Variants in CDK19 observed in about 807,000 individuals in gnomAD.
The protein encoded by CDK19 is cyclin-dependent kinase 19.
In CDK19, 20 loss-of-function variants were observed where a neutral mutation model predicts 68.3. The observed-to-expected ratio is 0.29, with a 90% confidence interval of 0.21 to 0.43. The LOEUF is 0.43. Among genes scored for constraint, CDK19 ranks in the 20% least tolerant of loss-of-function variants. The pLI, the probability that CDK19 is intolerant of heterozygous loss-of-function variation, is 1.00. For missense variants in CDK19, 339 were observed against 623.5 expected (o/e 0.54, Z 4.86); for synonymous variants, 221 against 222.8 (o/e 0.99, Z 0.07).
At chr6:110,796,268 C>CAG (rs1781932731) in intron 1 of CDK19, among the ~76,000 whole-genome samples, 1 of 152,142 alleles carries the variant, frequency 6.6e-6, no homozygotes, top group African/African-American at 2.4e-5. Context: ...AACCAGGAGG[C>CAG]AGAGGCTGCA....
At chr6:110,753,244 T>TA (rs1274962552) in intron 1 of CDK19, among the ~76,000 whole-genome samples, 3 of 152,072 alleles carry the variant, frequency 2.0e-5, no homozygotes, top group East Asian at 3.9e-4. Flanking sequence ...ATCTTTCTCT[T>TA]AAAAATGATC....
intron 2 of CDK19, among the ~76,000 whole-genome samples, chr6:110,741,466 A>C (rs910564754): frequency 1.3e-5 from 2 of 151,908 alleles, no homozygotes; most frequent in Non-Finnish European, 2.9e-5. Flanking sequence ...GTCTCAAACA[A>C]AATAAAATAA....
chr6:110,746,084 A>G (rs1250082084), intron 2 of CDK19, 42 bp downstream of exon 2: 5 of 975,658 alleles, frequency 5.1e-6, no homozygotes, highest in Non-Finnish European at 7.6e-6. Context: ...TCATCACCCA[A>G]TATCAATAAT....
chr6:110,669,945 G>T (rs1352030826), intron 3 of CDK19, among the ~76,000 whole-genome samples: 2 of 151,888 alleles, frequency 1.3e-5, no homozygotes, highest in African/African-American at 2.4e-5. Flanking sequence ...ATTACCTGAG[G>T]TTGGGAGTTC....
intron 2 of CDK19, among the ~76,000 whole-genome samples, chr6:110,712,953 T>C (rs985411321): frequency 3.9e-5 from 6 of 152,076 alleles, no homozygotes; most frequent in Non-Finnish European, 8.8e-5. Context: ...CTCACACCTG[T>C]AATCCCAGCA....
chr6:110,621,308 G>A lies in CDK19; in HGVS notation c.1173C>T (p.Ala391=). 2.5e-6 allele frequency: 4 copies of A among 1,605,916 alleles called. No individual in the cohort carries two copies. The highest frequency in any genetic ancestry group is 3.4e-6 in the Non-Finnish European group (4 of 1,175,258). The change falls in exon 12 of 13, where the codon GCC becomes GCT. Residue 391 remains alanine (A), a synonymous_variant. Coordinates refer to ENST00000368911, the MANE Select transcript of CDK19 (RefSeq NM_015076.5). The surrounding 1 kb of genome is among the most constrained non-coding windows in gnomAD (Gnocchi z 5.4). ...QPTAPPQQAA[A]PPQAPPPQQN... is the part of the protein sequence containing the mutation. ...GCTGTGGTGGGGGCGCCTGTGGAGG[G>A]GCTGCTGCCTGCTGTGGAGGGGCTG...
chr6:110,807,289 T>C (rs1782744232), intron 1 of CDK19, among the ~76,000 whole-genome samples: 1 of 151,930 alleles, frequency 6.6e-6, no homozygotes, highest in South Asian at 2.1e-4. Context: ...GATCTAAAAA[T>C]AGAAAAGTGT....
At chr6:110,797,984 C>CAAGAAAAAAA (rs1782061582) in intron 1 of CDK19, among the ~76,000 whole-genome samples, 1 of 87,256 alleles carries the variant, frequency 1.1e-5, no homozygotes, top group Non-Finnish European at 2.3e-5. Context: ...GACTCCGTCT[C>CAAGAAAAAAA]AAAAAAAAAA....
rs1054049030 is a variant in CDK19, at chr6:110,613,082, C to T, written c.*1453G>A. 2 of 152,562 alleles carry T rather than the reference C, an allele frequency of 1.3e-5. No individual in the cohort carries two copies. The highest frequency in any genetic ancestry group is 4.8e-5 in the African/African-American group (2 of 41,436). 9.5% of individuals were successfully genotyped at this position (152,562 alleles called of 1,614,324 possible). On this transcript the variant is annotated 3_prime_UTR_variant, in exon 13 of 13. Coordinates refer to ENST00000368911, the MANE Select transcript of CDK19 (RefSeq NM_015076.5). ...GTGCTGCTAGTAGCATTCAGAAGAACACAAATTTCTTGCCCCTTACATTAC... is the reference window on the plus strand; with the variant it reads ...GTGCTGCTAGTAGCATTCAGAAGAATACAAATTTCTTGCCCCTTACATTAC...
intron 4 of CDK19, among the ~76,000 whole-genome samples, chr6:110,653,065 T>A (rs910487258): frequency 2.0e-5 from 3 of 152,168 alleles, no homozygotes; most frequent in Non-Finnish European, 4.4e-5. Flanking sequence ...GCCTGTTCCC[T>A]TTAGAACAAG....
chr6:110,691,025 A>C (rs1465906043), intron 2 of CDK19, among the ~76,000 whole-genome samples: 1 of 152,204 alleles, frequency 6.6e-6, no homozygotes, highest in Non-Finnish European at 1.5e-5. Context: ...GATCCAAACC[A>C]AGATGAAATA....
intron 1 of CDK19, among the ~76,000 whole-genome samples, chr6:110,787,791 C>T (rs1781335304): frequency 6.6e-6 from 1 of 151,990 alleles, no homozygotes; most frequent in Admixed American, 6.6e-5. Context: ...CATCTGGGAA[C>T]TTATCTGCTG....
intron 2 of CDK19, among the ~76,000 whole-genome samples, chr6:110,695,786 T>C (rs1447441326): frequency 6.6e-6 from 1 of 151,778 alleles, no homozygotes; most frequent in Admixed American, 6.6e-5. Flanking sequence ...CCCTCCTAGA[T>C]TAACTTGGGA....
intron 1 of CDK19, among the ~76,000 whole-genome samples, chr6:110,788,133 C>T (rs896734156): frequency 6.6e-6 from 1 of 151,252 alleles, no homozygotes; most frequent in Non-Finnish European, 1.5e-5. Context: ...AGCCACCACA[C>T]CTGGCCTGTT....
chr6:110,650,569 G>T (rs967839377), intron 4 of CDK19, among the ~76,000 whole-genome samples: 1 of 152,166 alleles, frequency 6.6e-6, no homozygotes, highest in East Asian at 1.9e-4. Context: ...GGGTATAATT[G>T]TCAGCATTAT....
At chr6:110,719,320 C>T (rs1448118689) in intron 2 of CDK19, among the ~76,000 whole-genome samples, 1 of 151,990 alleles carries the variant, frequency 6.6e-6, no homozygotes, top group Non-Finnish European at 1.5e-5. Context: ...CCTGTCTCTA[C>T]AAAAAATTTT....
At position 110,621,155 on chromosome 6, in the gene CDK19, T is replaced by C. The variant is rs1289676838; in HGVS notation, c.1326A>G (p.Leu442=). 3 of 1,614,094 alleles carry C rather than the reference T, an allele frequency of 1.9e-6. No homozygotes were observed. Among genetic ancestry groups the C allele is most frequent in the African/African-American group, 2.7e-5 (2 of 74,950 alleles). ...NQVPPNKKPR[L]GPSGANSGGP... is the part of the protein sequence containing the mutation. ...CACCTGAGTTTGCGCCTGAAGGCCC[T>C]AGCCGTGGCTTCTTGTTTGGAGGCA... The change falls in exon 12 of 13, where the codon CTA becomes CTG. Residue 442 remains leucine, a synonymous_variant. Transcript: ENST00000368911. The surrounding 1 kb of genome is among the most constrained non-coding windows in gnomAD (Gnocchi z 5.4).
chr6:110,716,913 C>T (rs1324830866), intron 2 of CDK19, among the ~76,000 whole-genome samples: 2 of 152,114 alleles, frequency 1.3e-5, no homozygotes, highest in African/African-American at 2.4e-5. Flanking sequence ...GTGGACGGAT[C>T]ACGAGGTCAG....
intron 1 of CDK19, among the ~76,000 whole-genome samples, chr6:110,782,147 C>T (rs1001578341): frequency 6.6e-6 from 1 of 152,160 alleles, no homozygotes; most frequent in African/African-American, 2.4e-5. Context: ...TGTACCCTCC[C>T]CTTCTAAATA....
Sources: gnomAD v4.1 joint callset for allele counts (sites outside exome capture counted in the v4.1 genomes callset) on GRCh38, gnomAD v4.1.1 for gene constraint, Gnocchi (gnomAD v3.1) non-coding constraint, MANE v1.5 for transcripts, NCBI Gene and HGNC (gene_info 2026-07-23, HGNC 2026-07-21) for gene names.